KCNIP4: variants seen among roughly 807,000 people sequenced by gnomAD.
KCNIP4 encodes the protein Kv channel-interacting protein 4.
Under a neutral mutation model 34.0 loss-of-function variants are expected in KCNIP4, and 12 were observed. That is an observed-to-expected ratio of 0.35 (90% CI 0.23 to 0.57). The LOEUF is 0.57. Ranked by LOEUF, KCNIP4 falls within the 20% of genes least tolerant of loss-of-function variation. The pLI, the probability that KCNIP4 is intolerant of heterozygous loss-of-function variation, is 0.83. For synonymous variants in KCNIP4, 124 were observed against 102.2 expected (o/e 1.21, Z -1.29); for missense variants, 238 against 311.7 (o/e 0.76, Z 1.78).
At chr4:21,606,731 T>C (rs1743715845) in intron 1 of KCNIP4, among the ~76,000 whole-genome samples, 1 of 152,086 alleles carries the variant, frequency 6.6e-6, no homozygotes, top group Non-Finnish European at 1.5e-5. Context: ...GTAGCTGGGA[T>C]AACAGGAGCG....
chr4:21,390,584 G>T (rs1722475183), intron 1 of KCNIP4, among the ~76,000 whole-genome samples: 1 of 152,072 alleles, frequency 6.6e-6, no homozygotes, highest in South Asian at 2.1e-4. Context: ...TCTTGTTTTT[G>T]TCAGGTTTGT....
chr4:21,504,239 G>A (rs902857740), intron 1 of KCNIP4, among the ~76,000 whole-genome samples: 6 of 151,986 alleles, frequency 3.9e-5, no homozygotes, highest in South Asian at 2.1e-4. Context: ...AGGCCAAGGC[G>A]GGTGGATCAC....
intron 1 of KCNIP4, among the ~76,000 whole-genome samples, chr4:21,208,363 A>G (rs1756997597): frequency 6.6e-6 from 1 of 152,192 alleles, no homozygotes; most frequent in Non-Finnish European, 1.5e-5. Context: ...AGATACATCA[A>G]GTGGGTCAAT....
intron 1 of KCNIP4, among the ~76,000 whole-genome samples, chr4:21,435,896 T>C (rs1286766125): frequency 6.6e-6 from 1 of 152,292 alleles, no homozygotes. Flanking sequence ...TGCTTTTATT[T>C]ACAAATGTGG....
chr4:21,008,542 GAGAC>G (rs1738766194), intron 1 of KCNIP4, among the ~76,000 whole-genome samples: 1 of 111,356 alleles, frequency 9.0e-6, no homozygotes, highest in Non-Finnish European at 1.8e-5. Flanking sequence ...GTTTTTTTTT[GAGAC>G]GGAGTCTCGC....
chr4:21,189,370 G>A (rs760953981), intron 1 of KCNIP4, among the ~76,000 whole-genome samples: 1 of 152,078 alleles, frequency 6.6e-6, no homozygotes, highest in Non-Finnish European at 1.5e-5. Context: ...TCGAGAAAAA[G>A]CATCTTATGT....
At chr4:21,619,679 A>G (rs1241950608) in intron 1 of KCNIP4, among the ~76,000 whole-genome samples, 4 of 152,232 alleles carry the variant, frequency 2.6e-5, no homozygotes, top group Non-Finnish European at 5.9e-5. Context: ...ATATAAATTT[A>G]CTAATAACTT....
chr4:20,866,639 T>C (rs1722911581), intron 2 of KCNIP4, among the ~76,000 whole-genome samples: 1 of 152,042 alleles, frequency 6.6e-6, no homozygotes. Flanking sequence ...TTCAACATGG[T>C]ATTGGAAGTC....
rs147657679 is a variant in KCNIP4, at chr4:21,667,799, T to C, written c.61+280772A>G. Among the ~76,000 whole-genome samples the C allele has an allele frequency of 3.9e-3, 587 of 152,342 alleles. 2 individuals are homozygous for C. The highest frequency in any genetic ancestry group is 0.013 in the African/African-American group (559 of 41,572). On this transcript the variant is annotated intron_variant, in intron 1 of 8. Coordinates refer to ENST00000382152, the MANE Select transcript of KCNIP4 (RefSeq NM_025221.6). The stretch of plus-strand genomic sequence containing the variant: ...CTTAATGAATTGTATTGAATGCCAC[T>C]GAATCACATTGGACATTGATGGAAG...
At chr4:20,931,027 C>T (rs901293923) in intron 1 of KCNIP4, among the ~76,000 whole-genome samples, 1 of 151,936 alleles carries the variant, frequency 6.6e-6, no homozygotes, top group Admixed American at 6.6e-5. Context: ...CCAGCAATTC[C>T]TCTTTTGAGT....
chr4:20,854,228 G>A (rs1419750007), intron 2 of KCNIP4, among the ~76,000 whole-genome samples: 4 of 152,168 alleles, frequency 2.6e-5, no homozygotes, highest in Non-Finnish European at 5.9e-5. Flanking sequence ...TTGCAAAATC[G>A]TGGAACCAAC....
intron 1 of KCNIP4, among the ~76,000 whole-genome samples, chr4:21,421,660 T>C (rs1725461283): frequency 6.6e-6 from 1 of 152,170 alleles, no homozygotes; most frequent in Non-Finnish European, 1.5e-5. Flanking sequence ...ACATTTCAGT[T>C]AAGATAAATA....
intron 1 of KCNIP4, among the ~76,000 whole-genome samples, chr4:21,506,704 A>G (rs1289234765): frequency 6.6e-6 from 1 of 152,378 alleles, no homozygotes; most frequent in Non-Finnish European, 1.5e-5. Context: ...TCCATTAAAT[A>G]TAATGCAAAC....
At chr4:21,554,174 C>T (rs2109020536) in intron 1 of KCNIP4, among the ~76,000 whole-genome samples, 1 of 152,184 alleles carries the variant, frequency 6.6e-6, no homozygotes, top group Middle Eastern at 3.4e-3. Context: ...TAAGATGTGA[C>T]TGAGAGAGTG....
chr4:21,182,076 T>C (rs904858798), intron 1 of KCNIP4, among the ~76,000 whole-genome samples: 3 of 152,142 alleles, frequency 2.0e-5, no homozygotes, highest in African/African-American at 7.2e-5. Flanking sequence ...TAAGTGGACA[T>C]TCAGACCAAT....
intron 1 of KCNIP4, among the ~76,000 whole-genome samples, chr4:21,927,664 G>T (rs190395473): frequency 6.6e-6 from 1 of 152,034 alleles, no homozygotes; most frequent in South Asian, 2.1e-4. Flanking sequence ...ACAAGTATTC[G>T]GTTTACTTTT....
At chr4:21,250,419 A>T (rs1760619106) in intron 1 of KCNIP4, among the ~76,000 whole-genome samples, 1 of 152,130 alleles carries the variant, frequency 6.6e-6, no homozygotes, top group Non-Finnish European at 1.5e-5. Flanking sequence ...GCTGTAGCAG[A>T]TGCTTAATCC....
intron 1 of KCNIP4, among the ~76,000 whole-genome samples, chr4:21,702,996 A>G (rs1712979236): frequency 6.6e-6 from 1 of 152,036 alleles, no homozygotes; most frequent in African/African-American, 2.4e-5. Flanking sequence ...CCCACAAAAA[A>G]AAATCACATG....
chr4:21,523,953 A>C (rs1735756879), intron 1 of KCNIP4, among the ~76,000 whole-genome samples: 1 of 152,126 alleles, frequency 6.6e-6, no homozygotes, highest in South Asian at 2.1e-4. Flanking sequence ...TTCTTCCTTA[A>C]AACATTAATA....
Sources: allele counts gnomAD v4.1 joint callset (sites outside exome capture counted in the v4.1 genomes callset), GRCh38; gene constraint gnomAD v4.1.1; transcripts MANE v1.5; gene names NCBI Gene and HGNC (gene_info 2026-07-23, HGNC 2026-07-21).